ASAP2: variants seen among roughly 807,000 people sequenced by gnomAD.
ASAP2 encodes arf-GAP with SH3 domain, ANK repeat and PH domain-containing protein 2.
ASAP2 carries 45 observed loss-of-function variants against 131.4 expected under a neutral mutation model. The ratio of observed to expected loss-of-function variants is 0.34; its 90% confidence interval spans 0.27 to 0.44. The LOEUF (loss-of-function observed/expected upper bound fraction) is 0.44. ASAP2 is among the 20% of genes least tolerant of loss of function. The pLI, the probability that ASAP2 is intolerant of heterozygous loss-of-function variation, is 1.00. For synonymous variants in ASAP2, 510 were observed against 503.0 expected, an observed-to-expected ratio of 1.01 and a Z score of -0.19; for missense variants, 1,011 against 1,297.0, an observed-to-expected ratio of 0.78 and a Z score of 3.39.
rs1291194970 is a variant in ASAP2, at chr2:9,403,375, T to C, written c.*48T>C. 6.3e-7 allele frequency: 1 copy of C among 1,576,660 alleles called. No individual in the cohort carries two copies. The highest frequency in any genetic ancestry group is 1.3e-5 in the African/African-American group (1 of 74,230). On this transcript the variant is annotated 3_prime_UTR_variant, in exon 28 of 28. Coordinates refer to ENST00000281419, the MANE Select transcript of ASAP2 (RefSeq NM_003887.3). ...AACAGTTATGTTCCTGTTTCGTTAT[T>C]GGTACCAAAACTCTTGCCAGATAAC...
intron 1 of ASAP2, among the ~76,000 whole-genome samples, chr2:9,277,767 G>T (rs1666850551): frequency 6.6e-6 from 1 of 152,054 alleles, no homozygotes; most frequent in South Asian, 2.1e-4. Context: ...ACATTCCATG[G>T]GCTTGGACAA....
At chr2:9,394,162 T>TA (rs1212677314) in intron 24 of ASAP2, among the ~76,000 whole-genome samples, 1 of 137,472 alleles carries the variant, frequency 7.3e-6, no homozygotes, top group Non-Finnish European at 1.6e-5. Context: ...TTTGTGGCTT[T>TA]TTTTTTTTTT....
chr2:9,296,391 G>A (rs967474397), intron 2 of ASAP2, among the ~76,000 whole-genome samples: 2 of 152,184 alleles, frequency 1.3e-5, no homozygotes, highest in African/African-American at 4.8e-5. Context: ...TCTAGAGTTT[G>A]GTGAAAATCC....
In ASAP2 at chr2:9,400,053, A is replaced by G. The variant is rs752288273; in HGVS notation, c.2715A>G (p.Lys905=). The G allele has an allele frequency of 1.1e-5, 18 of 1,613,214 alleles. No individual in the cohort carries two copies. Among genetic ancestry groups the G allele is most frequent in the Non-Finnish European group, 1.4e-5 (16 of 1,179,714 alleles). The part of the protein sequence containing the change: ...GADKSTPLTN[K]GQPRGPVDLS... The stretch of plus-strand genomic sequence containing the variant: ...ACAAGTCCACCCCACTGACCAACAA[A>G]GGCCAACCGAGAGGACCTGGTAATT... Residue 905 remains lysine (K), a synonymous_variant, in exon 25 of 28, where the codon AAA becomes AAG. Coordinates refer to ENST00000281419, the MANE Select transcript of ASAP2 (RefSeq NM_003887.3).
intron 3 of ASAP2, among the ~76,000 whole-genome samples, chr2:9,300,812 T>C (rs569372008): frequency 1.3e-5 from 2 of 152,368 alleles, no homozygotes; most frequent in Non-Finnish European, 2.9e-5. Flanking sequence ...CCATGGCCTC[T>C]TGTCACCTTC....
chr2:9,292,101 T>G (rs1667853034), intron 2 of ASAP2, among the ~76,000 whole-genome samples: 2 of 152,098 alleles, frequency 1.3e-5, no homozygotes, highest in African/African-American at 4.8e-5. Context: ...GGTTTCCATG[T>G]TTAGACTAGG....
At chr2:9,227,773 A>G (rs1408225198) in intron 1 of ASAP2, among the ~76,000 whole-genome samples, 2 of 152,260 alleles carry the variant, frequency 1.3e-5, no homozygotes, top group Admixed American at 1.3e-4. Flanking sequence ...ACACGTGCAT[A>G]TACAAAGATT....
intron 11 of ASAP2, among the ~76,000 whole-genome samples, chr2:9,346,374 T>A (rs1313985140): frequency 6.6e-6 from 1 of 150,972 alleles, no homozygotes; most frequent in Non-Finnish European, 1.5e-5. Flanking sequence ...AGGCAGAGTT[T>A]GTGGTGAGCC....
At chr2:9,288,642 A>T (rs534665875) in intron 2 of ASAP2, among the ~76,000 whole-genome samples, 17 of 152,178 alleles carry the variant, frequency 1.1e-4, no homozygotes, top group Non-Finnish European at 2.4e-4. Flanking sequence ...CCATTAAAGG[A>T]TGTGAATATA....
At chr2:9,318,724 T>G in intron 4 of ASAP2, 126 bp downstream of exon 4, 1 of 586,320 alleles carries the variant, frequency 1.7e-6, no homozygotes. Flanking sequence ...CTCTTTTATC[T>G]CAGCTTCCTC....
intron 1 of ASAP2, among the ~76,000 whole-genome samples, chr2:9,210,711 T>C (rs1486650860): frequency 6.6e-6 from 1 of 151,848 alleles, no homozygotes; most frequent in African/African-American, 2.4e-5. Flanking sequence ...CCCGCCACCA[T>C]GCCCGGCTAA....
At position 9,372,054 on chromosome 2, in the gene ASAP2, C is replaced by G. The variant is rs138601518; in HGVS notation, c.1557-2701C>G. Among the ~76,000 whole-genome samples, 233 of 152,286 alleles carry G rather than the reference C, an allele frequency of 1.5e-3. 1 individual carries two copies. The highest frequency in any genetic ancestry group is 5.3e-3 in the African/African-American group (220 of 41,556). On this transcript the variant is annotated intron_variant, in intron 16 of 27. Transcript: ENST00000281419. The stretch of plus-strand genomic sequence containing the variant: ...GTGTAGGAGCTGCCTTCGGGGCCTC[C>G]AAGCCCTGGGCAGATGAGTAAATAC...
At chr2:9,402,988 A>AC (rs1276782625) in intron 27 of ASAP2, among the ~76,000 whole-genome samples, 1 of 152,180 alleles carries the variant, frequency 6.6e-6, no homozygotes, top group Non-Finnish European at 1.5e-5. Context: ...CCTCCCAAGA[A>AC]CAGGTGGGGG....
At chr2:9,233,380 T>A (rs560224573) in intron 1 of ASAP2, among the ~76,000 whole-genome samples, 1 of 152,366 alleles carries the variant, frequency 6.6e-6, no homozygotes, top group East Asian at 1.9e-4. Flanking sequence ...TGTGCTATTT[T>A]CCTTTATGGG....
At chr2:9,241,715 A>G (rs1663982682) in intron 1 of ASAP2, among the ~76,000 whole-genome samples, 2 of 152,148 alleles carry the variant, frequency 1.3e-5, no homozygotes, top group African/African-American at 2.4e-5. Flanking sequence ...TAATTTTCCT[A>G]TTGTGGATAT....
Position 9,392,682 on chromosome 2 carries a change from C to T in ASAP2, c.2519-800C>T, listed in dbSNP as rs1675819905. On this transcript the variant is annotated intron_variant, in intron 23 of 27. Transcript: ENST00000281419. This position sits in a 1 kb window ranked among gnomAD's most constrained non-coding sequence, Gnocchi z 4.0. The stretch of plus-strand genomic sequence containing the variant: ...AAAAAGAAAGATCATAAGCTGGATC[C>T]CTTCATGTTTCCCCACGCCAGTTTC... 6.6e-6 allele frequency among the ~76,000 whole-genome samples: 1 copy of T among 152,170 alleles called. No homozygotes were observed. The highest frequency in any genetic ancestry group is 6.5e-5 in the Admixed American group (1 of 15,280).
intron 1 of ASAP2, among the ~76,000 whole-genome samples, chr2:9,261,781 GA>G (rs1488011478): frequency 6.6e-6 from 1 of 152,206 alleles, no homozygotes; most frequent in East Asian, 1.9e-4. Flanking sequence ...CCAGGTGGGA[GA>G]GGGGCAGACC....
chr2:9,293,800 G>A (rs10177742), intron 2 of ASAP2, among the ~76,000 whole-genome samples: 52,474 of 151,858 alleles, frequency 0.35, 9,304 homozygotes, highest in African/African-American at 0.39. Context: ...CCCCAACTAG[G>A]CCAGTGCACA....
At chr2:9,245,662 A>T (rs1664287466) in intron 1 of ASAP2, among the ~76,000 whole-genome samples, 2 of 152,136 alleles carry the variant, frequency 1.3e-5, no homozygotes, top group South Asian at 4.1e-4. Context: ...TGCGTTTGTG[A>T]ACAGAGCACA....
Sources: gnomAD v4.1 joint callset for allele counts (sites outside exome capture counted in the v4.1 genomes callset) on GRCh38, gnomAD v4.1.1 for gene constraint, Gnocchi (gnomAD v3.1) non-coding constraint, MANE v1.5 for transcripts, NCBI Gene and HGNC (gene_info 2026-07-23, HGNC 2026-07-21) for gene names.